PNRC2: variants seen among roughly 807,000 people sequenced by gnomAD.
PNRC2 encodes the protein proline-rich nuclear receptor coactivator 2.
In PNRC2, 2 loss-of-function variants were observed where a neutral mutation model predicts 12.2. That is an observed-to-expected ratio of 0.16 (90% CI 0.07 to 0.52). PNRC2 has a LOEUF of 0.52. Among genes scored for constraint, PNRC2 ranks in the 20% least tolerant of loss-of-function variants. PNRC2 has a pLI of 0.95. For missense variants in PNRC2, 115 were observed against 158.4 expected, an observed-to-expected ratio of 0.73 and a Z score of 1.47; for synonymous variants, 44 against 53.9, an observed-to-expected ratio of 0.82 and a Z score of 0.80.
intron 1 of PNRC2, among the ~76,000 whole-genome samples, 163 bp downstream of exon 1, chr1:23,960,161 C>G (rs1641249266): frequency 6.6e-6 from 1 of 152,208 alleles, no homozygotes; most frequent in South Asian, 2.1e-4. Flanking sequence ...GAGATGGGGC[C>G]ACTGGGAAGC....
chr1:23,961,241 G>T, intron 2 of PNRC2, 107 bp downstream of exon 2: 1 of 456,842 alleles, frequency 2.2e-6, no homozygotes, highest in Non-Finnish European at 3.9e-6. Context: ...TTTTTCTTAG[G>T]GAAGGTATAA....
rs1294830816 is a variant in PNRC2, at chr1:23,962,557, A to C, written c.*680A>C. On this transcript the variant is annotated 3_prime_UTR_variant, in exon 3 of 3. Transcript: ENST00000334351. ...TTACAGCACTGCACAAGCTATTCTA[A>C]TAGTGCTCTGGCCTCATCATTCCTG... The C allele has an allele frequency of 3.0e-5, 5 of 167,118 alleles. No homozygotes were observed. Among genetic ancestry groups the C allele is most frequent in the Non-Finnish European group, 4.4e-5 (3 of 68,124 alleles). The allele number at this position is 167,118 out of a possible 1,614,324, so 10.4% of individuals were successfully genotyped here.
At chr1:23,960,905 A>G (rs1641265809) in intron 1 of PNRC2, 24 bp from the exon 2 acceptor site, 1 of 398,682 alleles carries the variant, frequency 2.5e-6, no homozygotes, top group Non-Finnish European at 4.4e-6. Flanking sequence ...TTTTGAAATA[A>G]TGAAGTAATC....
At chr1:23,960,441 A>AT (rs1375566667) in intron 1 of PNRC2, among the ~76,000 whole-genome samples, 50 of 152,248 alleles carry the variant, frequency 3.3e-4, no homozygotes, top group African/African-American at 1.2e-3. Context: ...ACTTATTTTA[A>AT]GACGGGGAGG....
Position 23,961,611 on chromosome 1 carries a change from T to C in PNRC2, c.154T>C (p.Ser52Pro). ...KKERGHGYNSSAAAWQAMQNG... is the reference protein window; with the variant it reads ...KKERGHGYNSPAAAWQAMQNG... ...AGAAAGAGGACATGGTTATAACTCATCAGCAGCTGCCTGGCAGGCCATGCA... is the reference window on the plus strand; with the variant it reads ...AGAAAGAGGACATGGTTATAACTCACCAGCAGCTGCCTGGCAGGCCATGCA... Residue 52 changes from serine to proline, a missense_variant, in exon 3 of 3, where the codon TCA (serine) becomes CCA (proline). Coordinates refer to ENST00000334351, the MANE Select transcript of PNRC2 (RefSeq NM_017761.4). 1 of 1,613,944 alleles carries C rather than the reference T, an allele frequency of 6.2e-7. No individual in the cohort carries two copies. The highest frequency in any genetic ancestry group is 8.5e-7 in the Non-Finnish European group (1 of 1,179,856).
upstream of PNRC2, among the ~76,000 whole-genome samples, chr1:23,959,498 C>T (rs1403160020): frequency 2.0e-5 from 3 of 152,148 alleles, no homozygotes; most frequent in Admixed American, 2.0e-4. Context: ...TCCCCCAGGG[C>T]AGTCCCAAGG....
upstream of PNRC2, chr1:23,959,342 G>A (rs1379548659): frequency 1.3e-5 from 2 of 151,838 alleles, no homozygotes; most frequent in African/African-American, 4.9e-5. Flanking sequence ...GTGTGGGAGA[G>A]AGGCGACCCA....
intron 1 of PNRC2, 34 bp downstream of exon 1, chr1:23,960,032 T>C (rs1028925146): frequency 6.6e-6 from 1 of 152,240 alleles, no homozygotes; most frequent in South Asian, 2.1e-4. Context: ...CGCGGCCATG[T>C]TGGTGGCCGC....
chr1:23,959,698 G>A, upstream of PNRC2: 1 of 153,102 alleles, frequency 6.5e-6, no homozygotes, highest in Non-Finnish European at 1.5e-5. Context: ...CCACCTCCGC[G>A]CCTTCGCCCC....
rs563830626 is a variant in PNRC2, at chr1:23,963,087, T to C, written c.*1210T>C. Reference sequence around the variant, plus strand: ...GAGTATGGTGCCAGTGATGTTTTGTTTTTGTTTGGTCAAGGGGTAGGTGCA... The same window carrying C: ...GAGTATGGTGCCAGTGATGTTTTGTCTTTGTTTGGTCAAGGGGTAGGTGCA... On this transcript the variant is annotated 3_prime_UTR_variant, in exon 3 of 3. Transcript: ENST00000334351. The C allele has an allele frequency of 2.4e-5, 4 of 167,138 alleles. No individual in the cohort carries two copies. The highest frequency in any genetic ancestry group is 4.4e-5 in the Non-Finnish European group (3 of 68,062). The allele number at this position is 167,138 out of a possible 1,614,324, so 10.4% of individuals were successfully genotyped here. A position where few individuals can be genotyped will look rare whatever the true frequency, so the allele number is the denominator to read the frequency against.
In PNRC2 at chr1:23,962,144, G is replaced by C; in HGVS notation, c.*267G>C. 1 of 303,720 alleles carries C rather than the reference G, an allele frequency of 3.3e-6. No individual in the cohort carries two copies. The highest frequency in any genetic ancestry group is 6.5e-6 in the Non-Finnish European group (1 of 152,766). 18.8% of individuals were successfully genotyped at this position (303,720 alleles called of 1,614,324 possible). A position where few individuals can be genotyped will look rare whatever the true frequency, so the allele number is the denominator to read the frequency against. On this transcript the variant is annotated 3_prime_UTR_variant, in exon 3 of 3. Transcript: ENST00000334351. ...GGTAAAGGAATCAGCTTTTTCTATTGTTAGGGGAAGACAGTAATTTATCAT... is the reference window on the plus strand; with the variant it reads ...GGTAAAGGAATCAGCTTTTTCTATTCTTAGGGGAAGACAGTAATTTATCAT...
Position 23,960,179 on chromosome 1 carries a change from T to C in PNRC2, c.-225+181T>C, listed in dbSNP as rs550733711. Among the ~76,000 whole-genome samples the C allele has an allele frequency of 3.6e-3, 547 of 152,322 alleles. 6 individuals carry two copies. The highest frequency in any genetic ancestry group is 0.036 in the South Asian group (173 of 4,824). On this transcript the variant is annotated intron_variant, in intron 1 of 2. Transcript: ENST00000334351. ...ATGGGGCCACTGGGAAGCCAAGCCC[T>C]TGTGGCGTCGGAGGAGGCGTTTTCC... is the stretch of plus-strand genomic sequence containing the variant.
At position 23,962,466 on chromosome 1, in the gene PNRC2, C is replaced by G. The variant is rs1641300120; in HGVS notation, c.*589C>G. 1 of 166,690 alleles carries G rather than the reference C, an allele frequency of 6.0e-6. No homozygotes were observed. Among genetic ancestry groups the G allele is most frequent in the Non-Finnish European group, 1.5e-5 (1 of 68,084 alleles). 10.3% of individuals were successfully genotyped at this position (166,690 alleles called of 1,614,324 possible). ...ATTAAGTGTCTGTCAACAAATACACCAAAACCATTTTTTATAGAAACAGTA... is the reference window on the plus strand; with the variant it reads ...ATTAAGTGTCTGTCAACAAATACACGAAAACCATTTTTTATAGAAACAGTA... On this transcript the variant is annotated 3_prime_UTR_variant, in exon 3 of 3. Transcript: ENST00000334351.
Position 23,962,602 on chromosome 1 carries a change from T to C in PNRC2, c.*725T>C, listed in dbSNP as rs1334524691. The C allele has an allele frequency of 6.0e-6, 1 of 166,952 alleles. No homozygotes were observed. The allele number at this position is 166,952 out of a possible 1,614,324, so 10.3% of individuals were successfully genotyped here. On this transcript the variant is annotated 3_prime_UTR_variant, in exon 3 of 3. Transcript: ENST00000334351. ...TTCCTGCAAAGCTTGCTTTGGGGAG[T>C]TGGATAATGTGAAAATTTTAAGTAC...
chr1:23,961,570 T>C lies in PNRC2; in HGVS notation c.113T>C (p.Ile38Thr), dbSNP rs1462567307. ...KTKEQNSQMK[I>T]VHKKKERGHG... ...AAGGAACAGAATTCCCAGATGAAGA[T>C]TGTTCATAAGAAAAAAGAAAGAGGA... The change falls in exon 3 of 3, where the codon ATT (isoleucine) becomes ACT (threonine). Residue 38 changes from isoleucine (I) to threonine (T), a missense_variant. Ile to Thr is a moderately conservative substitution (Grantham distance 89). Coordinates refer to ENST00000334351, the MANE Select transcript of PNRC2 (RefSeq NM_017761.4). The C allele has an allele frequency of 2.5e-5, 41 of 1,613,684 alleles. No homozygotes were observed. Among genetic ancestry groups the C allele is most frequent in the South Asian group, 2.1e-4 (19 of 91,074 alleles).
rs1249573469 is a variant in PNRC2 at position 23,961,672 on chromosome 1, A to G, written c.215A>G (p.Gln72Arg). Residue 72 changes from glutamine (Q) to arginine (R), a missense_variant, in exon 3 of 3, where the codon CAA becomes CGA. By Grantham distance (43) the Gln-to-Arg change is conservative. Transcript: ENST00000334351. The part of the protein sequence containing the change: ...GGKNKNFPNN[Q>R]SWNSSLSGPR... ...AAGAACAAAAATTTTCCAAATAATC[A>G]AAGTTGGAATTCTAGCTTATCAGGT... 9.2e-5 allele frequency: 149 copies of G among 1,613,722 alleles called. No individual in the cohort carries two copies. The highest frequency in any genetic ancestry group is 1.7e-4 in the Middle Eastern group (1 of 6,056).
Position 23,961,888 on chromosome 1 carries a change from ATGTT to A in PNRC2, c.*13_*16del. On this transcript the variant is annotated 3_prime_UTR_variant, in exon 3 of 3. Coordinates refer to ENST00000334351, the MANE Select transcript of PNRC2 (RefSeq NM_017761.4). ...AAAGTACAGGTATAAAATAAGACAA[ATGTT>A]TAAATTTAGTTATGTTCACGGATAG... is the stretch of plus-strand genomic sequence containing the variant. 1 of 1,479,430 alleles carries A rather than the reference ATGTT, an allele frequency of 6.8e-7. No homozygotes were observed. The highest frequency in any genetic ancestry group is 9.2e-7 in the Non-Finnish European group (1 of 1,082,848). The allele number at this position is 1,479,430 out of a possible 1,614,324, so 91.6% of individuals were successfully genotyped here. A position where few individuals can be genotyped will look rare whatever the true frequency, so the allele number is the denominator to read the frequency against.
At chr1:23,961,392 C>A in intron 2 of PNRC2, 48 bp from the exon 3 acceptor site, 1 of 1,388,744 alleles carries the variant, frequency 7.2e-7, no homozygotes, top group Non-Finnish European at 9.8e-7. Flanking sequence ...AGATTTTGAA[C>A]TTTTCTTAAT....
chr1:23,962,880 C>G lies in PNRC2; in HGVS notation c.*1003C>G, dbSNP rs1402739867. On this transcript the variant is annotated 3_prime_UTR_variant, in exon 3 of 3. Coordinates refer to ENST00000334351, the MANE Select transcript of PNRC2 (RefSeq NM_017761.4). ...TTGTAAACTATATTTCAAAGTAAAC[C>G]CTAGTGTAATAAGTTTTATAACTAA... is the stretch of plus-strand genomic sequence containing the variant. The G allele has an allele frequency of 6.0e-6, 1 of 166,096 alleles. No homozygotes were observed. Among genetic ancestry groups the G allele is most frequent in the Non-Finnish European group, 1.5e-5 (1 of 67,856 alleles). The allele number at this position is 166,096 out of a possible 1,614,324, so 10.3% of individuals were successfully genotyped here.
Sources: allele counts gnomAD v4.1 joint callset (sites outside exome capture counted in the v4.1 genomes callset), GRCh38; gene constraint gnomAD v4.1.1; transcripts MANE v1.5; gene names NCBI Gene and HGNC (gene_info 2026-07-23, HGNC 2026-07-21).